The following OR1L8 variants were observed in gnomAD, a reference collection of about 807,000 sequenced individuals.
OR1L8 encodes the protein olfactory receptor 1L8.
For synonymous variants in OR1L8, 148 were observed against 147.0 expected, an observed-to-expected ratio of 1.01 and a Z score of -0.05; for missense variants, 330 against 377.4, an observed-to-expected ratio of 0.87 and a Z score of 1.04.
chr9:122,569,886 G>A (rs555650468), intron 4 of OR1L8, among the ~76,000 whole-genome samples: 1 of 150,492 alleles, frequency 6.6e-6, no homozygotes, highest in Non-Finnish European at 1.5e-5. Flanking sequence ...GTGTCCATGT[G>A]TTCTCATTGT....
downstream of OR1L8, among the ~76,000 whole-genome samples, chr9:122,565,348 T>C (rs1443107734): frequency 2.6e-5 from 4 of 152,190 alleles, no homozygotes; most frequent in Admixed American, 1.3e-4. Context: ...GGGGAGGTTT[T>C]AATAAGTGGA....
chr9:122,553,847 T>C, the OR1L8 span: 1 of 1,614,014 alleles, frequency 6.2e-7, no homozygotes, highest in South Asian at 1.1e-5. Flanking sequence ...TCCTCACTGT[T>C]CCCCTCCTGC....
chr9:122,551,916 GA>G, the OR1L8 span, among the ~76,000 whole-genome samples: 3 of 152,200 alleles, frequency 2.0e-5, no homozygotes, highest in Non-Finnish European at 1.5e-5. Flanking sequence ...CTCTGAGTCA[GA>G]AAGGTCTCAG....
At chr9:122,575,545 C>G (rs1829637966) in intron 3 of OR1L8, among the ~76,000 whole-genome samples, 1 of 151,918 alleles carries the variant, frequency 6.6e-6, no homozygotes, top group Non-Finnish European at 1.5e-5. Context: ...TAGTGATGTT[C>G]CCTTATTTAT....
rs377617820 is a variant in OR1L8 at position 122,573,189 on chromosome 9, G to A, written c.-341-281C>T. Among the ~76,000 whole-genome samples, 30 of 152,246 alleles carry A rather than the reference G, an allele frequency of 2.0e-4. No individual in the cohort carries two copies. In the East Asian group the frequency reaches 3.3e-3, roughly 17 times the overall value. On this transcript the variant is annotated intron_variant, in intron 3 of 4. Coordinates refer to ENST00000641027, the MANE Select transcript of OR1L8 (RefSeq NM_001004454.2). The stretch of plus-strand genomic sequence containing the variant: ...AGCTGTGGTGTGCTGACCCCTCAGG[G>A]GAGTTTGTCCTGTGATCTCCCTCAG...
the OR1L8 span, chr9:122,553,107 C>A: frequency 8.3e-7 from 1 of 1,205,130 alleles, no homozygotes. Context: ...CTTTTTCTCC[C>A]AGCACAGTTC....
chr9:122,556,761 C>G, the OR1L8 span, among the ~76,000 whole-genome samples: 1 of 152,126 alleles, frequency 6.6e-6, no homozygotes, highest in African/African-American at 2.4e-5. Context: ...TCTTTTGCCT[C>G]TCTGCATTTT....
chr9:122,563,765 AATTT>A (rs1829387574), downstream of OR1L8, among the ~76,000 whole-genome samples: 2 of 152,152 alleles, frequency 1.3e-5, no homozygotes, highest in Admixed American at 6.5e-5. Flanking sequence ...TCAAGTTGTT[AATTT>A]CTTTTGAGCA....
rs1432513530 is a variant in OR1L8, at chr9:122,583,344, A to G, written c.-623T>C. 6.6e-6 allele frequency: 1 copy of G among 152,126 alleles called. No homozygotes were observed. The highest frequency in any genetic ancestry group is 2.4e-5 in the African/African-American group (1 of 41,452). 9.4% of individuals were successfully genotyped at this position (152,126 alleles called of 1,614,324 possible). ...ACAGTCAAGAGAAGCCGAAGGAGAC[A>G]GGATGACTGAATATAATATAATATC... On this transcript the variant is annotated 5_prime_UTR_variant, in exon 1 of 5. Coordinates refer to ENST00000641027, the MANE Select transcript of OR1L8 (RefSeq NM_001004454.2).
At position 122,567,251 on chromosome 9, in the gene OR1L8, T is replaced by C. The variant is rs1215960562; in HGVS notation, c.*297A>G. 9 of 250,366 alleles carry C rather than the reference T, an allele frequency of 3.6e-5. No individual in the cohort carries two copies. Among genetic ancestry groups the C allele is most frequent in the Non-Finnish European group, 7.6e-6 (1 of 131,930 alleles). 15.5% of individuals were successfully genotyped at this position (250,366 alleles called of 1,614,324 possible). On this transcript the variant is annotated 3_prime_UTR_variant, in exon 5 of 5. Coordinates refer to ENST00000641027, the MANE Select transcript of OR1L8 (RefSeq NM_001004454.2). ...CTGCCTTAATAAAAGGAGAGAAATTTGTTTAGGAAATATTCATGGGGAAAG... is the reference window on the plus strand; with the variant it reads ...CTGCCTTAATAAAAGGAGAGAAATTCGTTTAGGAAATATTCATGGGGAAAG...
chr9:122,580,793 G>T (rs1409246621), intron 1 of OR1L8, among the ~76,000 whole-genome samples: 1 of 152,186 alleles, frequency 6.6e-6, no homozygotes, highest in East Asian at 1.9e-4. Context: ...TTGTTTTGGG[G>T]TTGTTAAAAA....
the OR1L8 span, among the ~76,000 whole-genome samples, chr9:122,556,750 G>A: frequency 6.6e-6 from 1 of 152,276 alleles, no homozygotes; most frequent in South Asian, 2.1e-4. Context: ...GCTATTCTGA[G>A]TCTTTTGCCT....
At chr9:122,552,585 A>T in the OR1L8 span, among the ~76,000 whole-genome samples, 4 of 152,052 alleles carry the variant, frequency 2.6e-5, no homozygotes, top group Non-Finnish European at 5.9e-5. Flanking sequence ...GGAGTACGAC[A>T]CCAGACACCT....
rs149185875 is a variant in OR1L8, at chr9:122,567,772, G to A, written c.706C>T (p.Arg236Cys). 484 of 1,613,902 alleles carry A rather than the reference G, an allele frequency of 3.0e-4. 1 individual carries two copies. The highest frequency in any genetic ancestry group is 3.9e-4 in the Non-Finnish European group (465 of 1,179,928). Residue 236 changes from arginine (R) to cysteine (C), a missense_variant, in exon 5 of 5, where the codon CGC (arginine) becomes TGC (cysteine). Coordinates refer to ENST00000641027, the MANE Select transcript of OR1L8 (RefSeq NM_001004454.2). ...AAACCACAGGTGGAGAAGGCTTTGC[G>A]TTTCCCAGAAGTAGAGGGAATCTTG... ...VLKIPSTSGKRKAFSTCGFYL... is the reference protein window; with the variant it reads ...VLKIPSTSGKCKAFSTCGFYL...
At chr9:122,581,339 C>T (rs1439077017) in intron 1 of OR1L8, among the ~76,000 whole-genome samples, 4 of 152,092 alleles carry the variant, frequency 2.6e-5, no homozygotes, top group Admixed American at 2.0e-4. Flanking sequence ...GCACTCCAGC[C>T]TGGCGACAGA....
chr9:122,568,006 G>C lies in OR1L8; in HGVS notation c.472C>G (p.Leu158Val). 2 of 1,614,086 alleles carry C rather than the reference G, an allele frequency of 1.2e-6. No individual in the cohort carries two copies. Among genetic ancestry groups the C allele is most frequent in the Non-Finnish European group, 1.7e-6 (2 of 1,179,952 alleles). ...FSCSFPHLHS[L>V]LHTLLLNRLT... ...CGATTCAGCAGAAGTGTGTGCAGGA[G>C]TGAGTGGAGGTGAGGAAATGAGCAG... Residue 158 changes from leucine to valine, a missense_variant, in exon 5 of 5, where the codon CTC becomes GTC. By Grantham distance (32) the Leu-to-Val change is conservative. Transcript: ENST00000641027.
At chr9:122,581,670 G>A (rs1315081848) in intron 1 of OR1L8, among the ~76,000 whole-genome samples, 1 of 152,112 alleles carries the variant, frequency 6.6e-6, no homozygotes, top group Non-Finnish European at 1.5e-5. Flanking sequence ...ACAGAGGCCG[G>A]GCACAGTGGC....
At chr9:122,571,728 A>AT in intron 4 of OR1L8, among the ~76,000 whole-genome samples, 1 of 151,474 alleles carries the variant, frequency 6.6e-6, no homozygotes, top group East Asian at 1.9e-4. Context: ...AAAAAAAAAA[A>AT]AATTGACCAT....
chr9:122,578,777 A>G (rs1450156004), intron 1 of OR1L8, among the ~76,000 whole-genome samples: 1 of 152,112 alleles, frequency 6.6e-6, no homozygotes, highest in East Asian at 1.9e-4. Flanking sequence ...AGGCATAAGA[A>G]TGATACAATG....
Sources: gnomAD v4.1 joint callset for allele counts (sites outside exome capture counted in the v4.1 genomes callset) on GRCh38, gnomAD v4.1.1 for gene constraint, MANE v1.5 for transcripts, NCBI Gene and HGNC (gene_info 2026-07-23, HGNC 2026-07-21) for gene names.